Variants in CNTNAP4 observed in about 807,000 individuals in gnomAD.
CNTNAP4 encodes contactin associated protein family member 4, also known as contactin-associated protein-like 4.
A neutral mutation model predicts 148.4 loss-of-function variants in CNTNAP4; 98 were observed. That is an observed-to-expected ratio of 0.66 (90% CI 0.56 to 0.78). The LOEUF (loss-of-function observed/expected upper bound fraction) is 0.78, where lower values mean the gene tolerates loss of function less well. CNTNAP4 is among the 30% of genes least tolerant of loss of function. CNTNAP4 has a pLI of 0.00. For missense variants in CNTNAP4, 1,935 were observed against 1,565.6 expected, an observed-to-expected ratio of 1.24 and a Z score of -3.98; for synonymous variants, 730 against 565.1, an observed-to-expected ratio of 1.29 and a Z score of -4.14.
chr16:76,356,355 C>A (rs535371658), intron 3 of CNTNAP4, among the ~76,000 whole-genome samples: 1 of 151,920 alleles, frequency 6.6e-6, no homozygotes, highest in Admixed American at 6.6e-5. Flanking sequence ...TATCTGTAAA[C>A]CCTTCTCTAG....
chr16:76,278,545 C>G (rs1272403819), intron 1 of CNTNAP4, among the ~76,000 whole-genome samples: 2 of 152,164 alleles, frequency 1.3e-5, no homozygotes, highest in Non-Finnish European at 2.9e-5. Context: ...TTCATCCACT[C>G]TTTATTAGAG....
chr16:76,531,781 A>G (rs1477909118), intron 17 of CNTNAP4, among the ~76,000 whole-genome samples: 2 of 152,188 alleles, frequency 1.3e-5, no homozygotes, highest in Non-Finnish European at 2.9e-5. Flanking sequence ...CAGTAAAGGA[A>G]AAATTCTAAA....
chr16:76,395,997 A>G (rs2078190690), intron 3 of CNTNAP4, among the ~76,000 whole-genome samples: 1 of 152,124 alleles, frequency 6.6e-6, no homozygotes, highest in Admixed American at 6.5e-5. Flanking sequence ...CCAAAATGCG[A>G]GGATTACAGG....
intron 1 of CNTNAP4, among the ~76,000 whole-genome samples, chr16:76,299,678 A>G (rs1025398960): frequency 9.2e-5 from 14 of 152,196 alleles, no homozygotes; most frequent in Admixed American, 3.3e-4. Context: ...TCATGCTGCT[A>G]TAAAGACACA....
At chr16:76,313,953 A>T (rs990428412) in intron 1 of CNTNAP4, among the ~76,000 whole-genome samples, 3 of 152,192 alleles carry the variant, frequency 2.0e-5, no homozygotes, top group African/African-American at 4.8e-5. Flanking sequence ...GTATAAAATA[A>T]AAGGCAAATG....
chr16:76,343,622 A>G (rs978037376), intron 2 of CNTNAP4, among the ~76,000 whole-genome samples: 3 of 152,238 alleles, frequency 2.0e-5, no homozygotes, highest in African/African-American at 7.2e-5. Flanking sequence ...AGATTAATAA[A>G]TAAAAGTGCC....
intron 3 of CNTNAP4, among the ~76,000 whole-genome samples, chr16:76,393,131 C>A (rs2078084909): frequency 6.6e-6 from 1 of 152,196 alleles, no homozygotes; most frequent in South Asian, 2.1e-4. Context: ...AACTACATTA[C>A]AACTTTTTCC....
intron 17 of CNTNAP4, among the ~76,000 whole-genome samples, chr16:76,530,003 G>C (rs2083905708): frequency 6.6e-6 from 1 of 151,960 alleles, no homozygotes; most frequent in African/African-American, 2.4e-5. Flanking sequence ...TAAAGTGGCT[G>C]TTCAGATCTG....
chr16:76,379,075 C>A (rs1229225035), intron 3 of CNTNAP4, among the ~76,000 whole-genome samples: 3 of 152,128 alleles, frequency 2.0e-5, no homozygotes, highest in African/African-American at 7.2e-5. Flanking sequence ...TTTAGGGTTA[C>A]CCCGGACTCA....
rs1456116704 is a variant in CNTNAP4, at chr16:76,535,651, G to A, written c.2862G>A (p.Val954=). The A allele has an allele frequency of 1.2e-6, 2 of 1,614,098 alleles. No individual in the cohort carries two copies. ...LEERAQVTPE[V]QPGCRGHCSS... The stretch of plus-strand genomic sequence containing the variant: ...AAAGAGCCCAGGTGACTCCAGAAGT[G>A]CAGCCAGGTTGTAGGGGACATTGCA... The change falls in exon 18 of 24, where the codon GTG becomes GTA. Residue 954 remains valine (V), a synonymous_variant. Coordinates refer to ENST00000611870, the MANE Select transcript of CNTNAP4 (RefSeq NM_033401.5).
intron 2 of CNTNAP4, among the ~76,000 whole-genome samples, chr16:76,321,511 C>T (rs979545122): frequency 9.2e-5 from 14 of 151,950 alleles, no homozygotes; most frequent in East Asian, 3.9e-4. Context: ...CTCTATAGGC[C>T]GGGTGCAGTG....
intron 3 of CNTNAP4, among the ~76,000 whole-genome samples, chr16:76,372,306 A>ATT (rs57362303): frequency 0.035 from 4,973 of 140,450 alleles, 102 homozygotes; most frequent in Non-Finnish European, 0.045. Context: ...GGCCCAGCTA[A>ATT]TTTTTTTTTT....
chr16:76,492,956 T>TG (rs2082276561), intron 13 of CNTNAP4, among the ~76,000 whole-genome samples: 1 of 151,698 alleles, frequency 6.6e-6, no homozygotes, highest in African/African-American at 2.4e-5. Context: ...ACACTTTTTT[T>TG]TTTTTTTAAT....
intron 1 of CNTNAP4, among the ~76,000 whole-genome samples, chr16:76,292,698 A>G (rs577967767): frequency 3.4e-4 from 50 of 147,490 alleles, no homozygotes; most frequent in African/African-American, 1.3e-3. Context: ...TGTCTTCCTT[A>G]TCAAAAATAT....
intron 3 of CNTNAP4, among the ~76,000 whole-genome samples, chr16:76,367,394 A>G (rs1349773467): frequency 6.6e-6 from 1 of 152,190 alleles, no homozygotes; most frequent in African/African-American, 2.4e-5. Context: ...AACCAAACCC[A>G]AATGCCATAA....
chr16:76,462,243 T>G, intron 9 of CNTNAP4, 138 bp downstream of exon 9: 1 of 768,540 alleles, frequency 1.3e-6, no homozygotes. Flanking sequence ...ACGGACATTT[T>G]GGGTGGATCA....
intron 1 of CNTNAP4, among the ~76,000 whole-genome samples, chr16:76,308,731 T>C (rs1960768167): frequency 1.3e-5 from 2 of 152,362 alleles, no homozygotes; most frequent in South Asian, 4.1e-4. Context: ...CCCGAGGTGA[T>C]GCTACCAGGC....
intron 3 of CNTNAP4, among the ~76,000 whole-genome samples, chr16:76,364,445 A>G (rs74026738): frequency 0.026 from 3,892 of 152,166 alleles, 163 homozygotes; most frequent in African/African-American, 0.09. Flanking sequence ...GTACACCCCC[A>G]TTCCAGTTCA....
intron 15 of CNTNAP4, among the ~76,000 whole-genome samples, chr16:76,518,374 C>A (rs1398095164): frequency 1.3e-5 from 2 of 152,060 alleles, no homozygotes; most frequent in Non-Finnish European, 2.9e-5. Flanking sequence ...GTGATCTGCC[C>A]ACCTCAGCCC....
Sources: allele counts gnomAD v4.1 joint callset (sites outside exome capture counted in the v4.1 genomes callset), GRCh38; gene constraint gnomAD v4.1.1; transcripts MANE v1.5; gene names NCBI Gene and HGNC (gene_info 2026-07-23, HGNC 2026-07-21).